Variants in VGLL3 observed in about 807,000 individuals in gnomAD.
The protein encoded by VGLL3 is vestigial like family member 3.
In VGLL3, 18 loss-of-function variants were observed where a neutral mutation model predicts 29.2. The ratio of observed to expected loss-of-function variants is 0.62; its 90% CI spans 0.43 to 0.91. The LOEUF is 0.91. VGLL3 is among the 40% of genes least tolerant of loss of function. The pLI, the probability that VGLL3 is intolerant of heterozygous loss-of-function variation, is 0.00. For missense variants in VGLL3, 440 were observed against 413.2 expected (o/e 1.06, Z -0.56); for synonymous variants, 180 against 151.8 (o/e 1.19, Z -1.36).
chr3:86,969,176 T>A, intron 2 of VGLL3, 53 bp from the exon 3 acceptor site: 1 of 1,510,960 alleles, frequency 6.6e-7, no homozygotes, highest in South Asian at 1.3e-5. Flanking sequence ...AGTTTTGGGA[T>A]AGACTTGCCT....
In VGLL3 at chr3:86,943,180, C is replaced by T. The variant is rs1704434755; in HGVS notation, c.*3844G>A. 1 of 152,146 alleles carries T rather than the reference C, an allele frequency of 6.6e-6. No individual in the cohort carries two copies. Among genetic ancestry groups the T allele is most frequent in the Admixed American group, 6.5e-5 (1 of 15,268 alleles). 9.4% of individuals were successfully genotyped at this position (152,146 alleles called of 1,614,324 possible). A position where few individuals can be genotyped will look rare whatever the true frequency, so the allele number is the denominator to read the frequency against. On this transcript the variant is annotated 3_prime_UTR_variant, in exon 4 of 4. Transcript: ENST00000398399. ...ACAGCCGAGTTCTTTTCCATTAATT[C>T]ATTCTGCTTTCTATTTATCCCTCAT...
chr3:86,955,114 C>CA (rs367701141), intron 3 of VGLL3, among the ~76,000 whole-genome samples: 36 of 150,276 alleles, frequency 2.4e-4, no homozygotes, highest in Non-Finnish European at 3.7e-4. Flanking sequence ...ATTTCCTACC[C>CA]AAAAAAAAAG....
Position 86,990,986 on chromosome 3 carries a change from G to C in VGLL3, c.-243C>G. 1 of 1,000,256 alleles carries C rather than the reference G, an allele frequency of 1.0e-6. No homozygotes were observed. Among genetic ancestry groups the C allele is most frequent in the Non-Finnish European group, 1.2e-6 (1 of 830,282 alleles). 62.0% of individuals were successfully genotyped at this position (1,000,256 alleles called of 1,614,324 possible). ...TCAGCCCCTCCGGATGTTCCCTGCC[G>C]CGCTTATATAGCGGCTCAGGGACGC... On this transcript the variant is annotated 5_prime_UTR_variant, in exon 1 of 4. Coordinates refer to ENST00000398399, the MANE Select transcript of VGLL3 (RefSeq NM_016206.4).
chr3:86,956,811 A>C (rs1704733486), intron 3 of VGLL3, among the ~76,000 whole-genome samples: 3 of 151,464 alleles, frequency 2.0e-5, no homozygotes, highest in Admixed American at 2.0e-4. Flanking sequence ...AAAAAAAAAA[A>C]AAGAAAGAAA....
At chr3:86,987,783 G>T (rs746070230) in intron 1 of VGLL3, among the ~76,000 whole-genome samples, 15 of 151,536 alleles carry the variant, frequency 9.9e-5, no homozygotes, top group Non-Finnish European at 1.9e-4. Flanking sequence ...GTATACCTAA[G>T]TAACACACTG....
At chr3:86,958,971 GA>G (rs1389060985) in intron 3 of VGLL3, among the ~76,000 whole-genome samples, 2 of 152,146 alleles carry the variant, frequency 1.3e-5, no homozygotes, top group African/African-American at 4.8e-5. Context: ...GTGTTGATTA[GA>G]AAAATTTTTA....
At chr3:86,951,640 A>G (rs1163486213) in intron 3 of VGLL3, among the ~76,000 whole-genome samples, 1 of 152,202 alleles carries the variant, frequency 6.6e-6, no homozygotes, top group African/African-American at 2.4e-5. Context: ...TGCTATAGAA[A>G]TAAGAAAATA....
In VGLL3 at chr3:86,940,948, C is replaced by T. The variant is rs1704385806; in HGVS notation, c.*6076G>A. 1 of 152,318 alleles carries T rather than the reference C, an allele frequency of 6.6e-6. No individual in the cohort carries two copies. Among genetic ancestry groups the T allele is most frequent in the Non-Finnish European group, 1.5e-5 (1 of 67,896 alleles). 9.4% of individuals were successfully genotyped at this position (152,318 alleles called of 1,614,324 possible). A position where few individuals can be genotyped will look rare whatever the true frequency, so the allele number is the denominator to read the frequency against. Reference sequence around the variant, plus strand: ...ACAACTTCTTGTAGAACTAACAAGTCTGAAAGTTCATGGTATTTCAATGCA... The same window carrying T: ...ACAACTTCTTGTAGAACTAACAAGTTTGAAAGTTCATGGTATTTCAATGCA... On this transcript the variant is annotated 3_prime_UTR_variant, in exon 4 of 4. Transcript: ENST00000398399.
At position 86,978,519 on chromosome 3, in the gene VGLL3, T is replaced by C. The variant is rs755665046; in HGVS notation, c.403+7A>G. On this transcript the variant is annotated splice_region_variant and intron_variant, in intron 2 of 3. Coordinates refer to ENST00000398399, the MANE Select transcript of VGLL3 (RefSeq NM_016206.4). ...GCCCTGGAGAACATCTGCTTTTGAA[T>C]TCTTACCTCGCCATAGGGGGGTTAG... 28 of 1,613,140 alleles carry C rather than the reference T, an allele frequency of 1.7e-5. No homozygotes were observed. Among genetic ancestry groups the C allele is most frequent in the Non-Finnish European group, 2.4e-5 (28 of 1,179,522 alleles).
At chr3:86,963,934 T>C (rs904367418) in intron 3 of VGLL3, among the ~76,000 whole-genome samples, 4 of 152,156 alleles carry the variant, frequency 2.6e-5, no homozygotes, top group African/African-American at 9.7e-5. Flanking sequence ...TAATTTTCAT[T>C]GAGGGAGTGC....
chr3:86,990,833 C>G lies in VGLL3; in HGVS notation c.-90G>C, dbSNP rs1238925889. 13 of 1,182,996 alleles carry G rather than the reference C, an allele frequency of 1.1e-5. No individual in the cohort carries two copies. The African/African-American group carries it at 1.1e-4, about 10-fold the overall frequency. 73.3% of individuals were successfully genotyped at this position (1,182,996 alleles called of 1,614,324 possible). ...CGGGCGCCGCCGCCGCCGCAGCTGC[C>G]GCCTCTGTCGCTGCTCCAGCTGCTA... On this transcript the variant is annotated 5_prime_UTR_variant, in exon 1 of 4. Transcript: ENST00000398399.
At chr3:86,957,543 T>A (rs759263607) in intron 3 of VGLL3, among the ~76,000 whole-genome samples, 1 of 152,164 alleles carries the variant, frequency 6.6e-6, no homozygotes, top group Non-Finnish European at 1.5e-5. Flanking sequence ...GGGGAGGAAG[T>A]GTCCTCTCCA....
At position 86,966,769 on chromosome 3, in the gene VGLL3, GTGTGTATATATA is replaced by G. The variant is rs1303823831; in HGVS notation, c.937+1809_937+1820del. Among the ~76,000 whole-genome samples the G allele has an allele frequency of 1.8e-4, 12 of 65,824 alleles. 1 individual carries two copies. The highest frequency in any genetic ancestry group is 5.3e-4 in the African/African-American group (10 of 18,794). The allele number at this position is 65,824 out of a possible 152,430, so 43.2% of individuals were successfully genotyped here. On this transcript the variant is annotated intron_variant, in intron 3 of 3. Coordinates refer to ENST00000398399, the MANE Select transcript of VGLL3 (RefSeq NM_016206.4). ...TTAAGAACTTAAAGTAATAGTGTGT[GTGTGTATATATA>G]TATATATATATATATATATATATAT...
At chr3:86,979,301 G>T (rs1705275751) in intron 1 of VGLL3, among the ~76,000 whole-genome samples, 1 of 152,102 alleles carries the variant, frequency 6.6e-6, no homozygotes, top group Non-Finnish European at 1.5e-5. Context: ...CAGGAATGTA[G>T]CATCTTATAA....
chr3:86,955,680 C>T (rs1704706862), intron 3 of VGLL3, among the ~76,000 whole-genome samples: 2 of 152,090 alleles, frequency 1.3e-5, no homozygotes, highest in Admixed American at 1.3e-4. Flanking sequence ...TGTGAACCAC[C>T]GTGCCTGGCC....
intron 2 of VGLL3, among the ~76,000 whole-genome samples, chr3:86,970,827 G>A (rs957153042): frequency 2.0e-5 from 3 of 152,062 alleles, no homozygotes; most frequent in Admixed American, 2.0e-4. Context: ...CTGATCCTAG[G>A]TCTTACCCTA....
intron 1 of VGLL3, among the ~76,000 whole-genome samples, chr3:86,981,937 T>TAA (rs1363216795): frequency 1.4e-4 from 21 of 152,154 alleles, no homozygotes; most frequent in African/African-American, 4.3e-4. Context: ...AATGGCCTGA[T>TAA]AACTCACTAA....
Position 86,963,580 on chromosome 3 carries a change from G to T in VGLL3, c.937+5010C>A, listed in dbSNP as rs1383352730. Among the ~76,000 whole-genome samples, 9 of 152,288 alleles carry T rather than the reference G, an allele frequency of 5.9e-5. No homozygotes were observed. The East Asian group carries it at 1.5e-3, about 26-fold the overall frequency. On this transcript the variant is annotated intron_variant, in intron 3 of 3. Transcript: ENST00000398399. ...TTAAACTGGTGAAGCATATGCTATT[G>T]TGAAATATATCTAAATAATAAATTT...
intron 1 of VGLL3, among the ~76,000 whole-genome samples, chr3:86,982,334 C>T (rs915480735): frequency 1.2e-4 from 18 of 151,872 alleles, no homozygotes; most frequent in East Asian, 5.8e-4. Context: ...TTCGTAGAGA[C>T]GGGGTTTCAC....
Sources: allele counts gnomAD v4.1 joint callset (sites outside exome capture counted in the v4.1 genomes callset), GRCh38; gene constraint gnomAD v4.1.1; transcripts MANE v1.5; gene names NCBI Gene and HGNC (gene_info 2026-07-23, HGNC 2026-07-21).